The following MBTPS1 variants were observed in gnomAD, a reference collection of about 807,000 sequenced individuals.
MBTPS1 encodes the protein membrane-bound transcription factor site-1 protease.
MBTPS1 carries 94 observed loss-of-function variants against 127.8 expected under a neutral mutation model. That is an observed-to-expected ratio of 0.74 (90% CI 0.62 to 0.87). The LOEUF (loss-of-function observed/expected upper bound fraction) is 0.87, where lower values mean the gene tolerates loss of function less well. Among genes scored for constraint, MBTPS1 ranks in the 40% least tolerant of loss-of-function variants. The pLI, the probability that MBTPS1 is intolerant of heterozygous loss-of-function variation, is 0.00. For synonymous variants in MBTPS1, 632 were observed against 509.4 expected (o/e 1.24, Z -3.24); for missense variants, 1,636 against 1,353.2 (o/e 1.21, Z -3.28).
At chr16:84,070,073 A>C in intron 13 of MBTPS1, 35 bp from the exon 14 acceptor site, 1 of 1,530,088 alleles carries the variant, frequency 6.5e-7, no homozygotes, top group Non-Finnish European at 8.8e-7. Flanking sequence ...AAACGCCCTC[A>C]TTGTGCAGAA....
At chr16:84,111,284 A>G (rs1210157322) in intron 1 of MBTPS1, among the ~76,000 whole-genome samples, 1 of 152,248 alleles carries the variant, frequency 6.6e-6, no homozygotes, top group Admixed American at 6.5e-5. Flanking sequence ...TCACGCCTGT[A>G]ATCCCAGCAC....
chr16:84,093,331 A>C, intron 5 of MBTPS1, 34 bp from the exon 6 acceptor site: 1 of 1,367,536 alleles, frequency 7.3e-7, no homozygotes, highest in Non-Finnish European at 1.0e-6. Context: ...CCCATAAAAC[A>C]CACTGAATAG....
At chr16:84,089,042 C>G (rs150021379) in intron 8 of MBTPS1, among the ~76,000 whole-genome samples, 2 of 152,366 alleles carry the variant, frequency 1.3e-5, no homozygotes, top group South Asian at 4.1e-4. Flanking sequence ...GGTTTCAGAA[C>G]GGCAGCCAGC....
At chr16:84,081,524 A>G in intron 11 of MBTPS1, 1 of 356,756 alleles carries the variant, frequency 2.8e-6, no homozygotes, top group East Asian at 4.2e-5. Flanking sequence ...AGAAATCATT[A>G]CTTTTAACCA....
chr16:84,094,190 C>A (rs2086149244), intron 4 of MBTPS1, among the ~76,000 whole-genome samples: 1 of 152,032 alleles, frequency 6.6e-6, no homozygotes, highest in South Asian at 2.1e-4. Flanking sequence ...GGCAATTTAT[C>A]ACAGGTCTCC....
At chr16:84,104,128 G>A (rs138439639) in intron 1 of MBTPS1, among the ~76,000 whole-genome samples, 33 of 152,274 alleles carry the variant, frequency 2.2e-4, no homozygotes, top group African/African-American at 7.2e-4. Flanking sequence ...ACTACTGGCC[G>A]AAGAAGATAA....
In MBTPS1 at chr16:84,066,555, A is replaced by G; in HGVS notation, c.2287T>C (p.Ser763Pro). The G allele has an allele frequency of 6.2e-7, 1 of 1,614,200 alleles. No homozygotes were observed. Among genetic ancestry groups the G allele is most frequent in the Non-Finnish European group, 8.5e-7 (1 of 1,180,022 alleles). The change falls in exon 17 of 23, where the codon TCT (serine) becomes CCT (proline). Residue 763 changes from serine to proline, a missense_variant. Coordinates refer to ENST00000343411, the MANE Select transcript of MBTPS1 (RefSeq NM_003791.4). ...ANIPALNELL[S>P]VWNMGFSDGL... is the part of the protein sequence containing the mutation. ...TCGCTGAACCCCATGTTCCACACAG[A>G]CAGCAGCTCATTCAGAGCTGGGATG...
In MBTPS1 at chr16:84,095,723, GGAGAGGCTGGCTCTTC is replaced by G. The variant is rs1272662956; in HGVS notation, c.488_503del (p.Arg163ProfsTer19). ...TAGCATGCCAGAAGCCAGAGCCCAG[GGAGAGGCTGGCTCTTC>G]GCAGGGGACGTGATGATTGCCACTT... On this transcript the variant is annotated frameshift_variant, in exon 4 of 23. Coordinates refer to ENST00000343411, the MANE Select transcript of MBTPS1 (RefSeq NM_003791.4). LOFTEE classifies it high-confidence loss of function. 1 of 1,614,244 alleles carries G rather than the reference GGAGAGGCTGGCTCTTC, an allele frequency of 6.2e-7. No individual in the cohort carries two copies. Among genetic ancestry groups the G allele is most frequent in the South Asian group, 1.1e-5 (1 of 91,088 alleles).
chr16:84,057,342 G>A (rs913956509), intron 21 of MBTPS1: 11 of 152,206 alleles, frequency 7.2e-5, no homozygotes, highest in African/African-American at 2.7e-4. Context: ...ATATCTATGG[G>A]CTATATTTCC....
At chr16:84,097,872 TTGTG>T (rs1286289782) in intron 3 of MBTPS1, among the ~76,000 whole-genome samples, 7 of 92,276 alleles carry the variant, frequency 7.6e-5, no homozygotes. Context: ...GTGTGTGTGT[TTGTG>T]TGTGTGTTTA....
intron 8 of MBTPS1, among the ~76,000 whole-genome samples, chr16:84,089,394 T>C (rs1174768180): frequency 6.6e-6 from 1 of 152,232 alleles, no homozygotes; most frequent in Admixed American, 6.5e-5. Flanking sequence ...CAGAAAAAGT[T>C]TGCAATTCAG....
chr16:84,105,746 T>C (rs1555513713), intron 1 of MBTPS1, among the ~76,000 whole-genome samples: 1 of 152,082 alleles, frequency 6.6e-6, no homozygotes, highest in Non-Finnish European at 1.5e-5. Context: ...TTCCATCCAA[T>C]GGCAGTGAAG....
intron 1 of MBTPS1, among the ~76,000 whole-genome samples, chr16:84,113,968 T>C (rs1357171389): frequency 6.7e-5 from 10 of 150,222 alleles, no homozygotes; most frequent in Admixed American, 4.6e-4. Flanking sequence ...TTTTTTTTTT[T>C]TTTTTTTCTT....
In MBTPS1 at chr16:84,090,867, C is replaced by T. The variant is rs1397281115; in HGVS notation, c.1031+8G>A. Reference sequence around the variant, plus strand: ...ATCCCCGAGGTCATCCCTGCTGGGGCTACTTACCCATAAAGAGGTCCGTCA... The same window carrying T: ...ATCCCCGAGGTCATCCCTGCTGGGGTTACTTACCCATAAAGAGGTCCGTCA... On this transcript the variant is annotated splice_region_variant and intron_variant, in intron 8 of 22. Coordinates refer to ENST00000343411, the MANE Select transcript of MBTPS1 (RefSeq NM_003791.4). 5.6e-6 allele frequency: 9 copies of T among 1,607,836 alleles called. No individual in the cohort carries two copies. Among genetic ancestry groups the T allele is most frequent in the Non-Finnish European group, 7.7e-6 (9 of 1,176,018 alleles).
rs2085671330 is a variant in MBTPS1, at chr16:84,065,672, A to G, written c.2431+18T>C. ...GAGAGAAAGAAGAAGCAAAAGGCCC[A>G]TGAATGGCATCCTTTACCTTGGTCC... On this transcript the variant is annotated intron_variant, in intron 18 of 22. Coordinates refer to ENST00000343411, the MANE Select transcript of MBTPS1 (RefSeq NM_003791.4). 3 of 1,588,944 alleles carry G rather than the reference A, an allele frequency of 1.9e-6. No homozygotes were observed. Among genetic ancestry groups the G allele is most frequent in the Admixed American group, 1.7e-5 (1 of 59,940 alleles).
At chr16:84,105,321 G>C (rs895084401) in intron 1 of MBTPS1, among the ~76,000 whole-genome samples, 5 of 152,286 alleles carry the variant, frequency 3.3e-5, no homozygotes, top group Admixed American at 2.0e-4. Flanking sequence ...CTATTAGCTA[G>C]TCAGGGCACA....
rs778464216 is a variant in MBTPS1, at chr16:84,081,902, G to A, written c.1293C>T (p.Val431=). ...AGAVTLLVST[V]QKRELVNPAS... is the part of the protein sequence containing the mutation. ...CGGGATTCACCAGCTCACGCTTCTGGACTGTGCTGGAGGAAAAATCAAGAA... is the reference window on the plus strand; with the variant it reads ...CGGGATTCACCAGCTCACGCTTCTGAACTGTGCTGGAGGAAAAATCAAGAA... The change falls in exon 11 of 23, where the codon GTC becomes GTT. Residue 431 remains valine, a synonymous_variant. Coordinates refer to ENST00000343411, the MANE Select transcript of MBTPS1 (RefSeq NM_003791.4). The A allele has an allele frequency of 6.4e-6, 9 of 1,409,528 alleles. No homozygotes were observed. In the African/African-American group the frequency reaches 1.3e-4, roughly 21 times the overall value. The allele number at this position is 1,409,528 out of a possible 1,614,324, so 87.3% of individuals were successfully genotyped here.
Position 84,074,700 on chromosome 16 carries a change from A to C in MBTPS1, c.1490T>G (p.Met497Arg). ...SYIDLTECPY[M>R]WPYCSQPIYY... ...GATGGGCTGGGAGCAGTAGGGCCAC[A>C]TGTAGGGACACTCAGTCAGATCTAT... Residue 497 changes from methionine to arginine, a missense_variant, in exon 12 of 23, where the codon ATG becomes AGG. Transcript: ENST00000343411. The C allele has an allele frequency of 6.2e-7, 1 of 1,614,142 alleles. No homozygotes were observed. The highest frequency in any genetic ancestry group is 8.5e-7 in the Non-Finnish European group (1 of 1,179,982).
At chr16:84,074,860 G>T in intron 11 of MBTPS1, 119 bp from the exon 12 acceptor site, 2 of 854,184 alleles carry the variant, frequency 2.3e-6, no homozygotes, top group South Asian at 1.8e-5. Flanking sequence ...TGCTTACAGC[G>T]CTGCCCTAGG....
Sources: allele counts gnomAD v4.1 joint callset (sites outside exome capture counted in the v4.1 genomes callset), GRCh38; gene constraint gnomAD v4.1.1; transcripts MANE v1.5; gene names NCBI Gene and HGNC (gene_info 2026-07-23, HGNC 2026-07-21).